SEC14L1: variants seen among roughly 807,000 people sequenced by gnomAD.
The protein encoded by SEC14L1 is SEC14 like lipid binding 1, also known as SEC14-like protein 1.
SEC14L1 carries 48 observed loss-of-function variants against 85.3 expected under a neutral mutation model. That is an observed-to-expected ratio of 0.56 (90% CI 0.45 to 0.72). SEC14L1 has a LOEUF of 0.72. Among genes scored for constraint, SEC14L1 ranks in the 30% least tolerant of loss-of-function variants. The pLI, the probability that SEC14L1 is intolerant of heterozygous loss-of-function variation, is 0.00. For missense variants in SEC14L1, 682 were observed against 921.4 expected (o/e 0.74, Z 3.36); for synonymous variants, 391 against 355.5 (o/e 1.10, Z -1.12).
intron 3 of SEC14L1, among the ~76,000 whole-genome samples, chr17:77,130,884 A>T (rs1208782271): frequency 6.6e-6 from 1 of 151,998 alleles, no homozygotes; most frequent in African/African-American, 2.4e-5. Context: ...GGGTTTACAG[A>T]CTGCCTAGCC....
chr17:77,136,171 G>C (rs755746231), upstream of SEC14L1, among the ~76,000 whole-genome samples: 1 of 151,476 alleles, frequency 6.6e-6, no homozygotes. Flanking sequence ...CACTGCGCCT[G>C]GCCCCTTCTC....
intron 3 of SEC14L1, among the ~76,000 whole-genome samples, chr17:77,157,395 C>T (rs796977092): frequency 3.9e-5 from 6 of 152,308 alleles, no homozygotes; most frequent in African/African-American, 1.2e-4. Flanking sequence ...AGGTGAGTCC[C>T]GCAGTCTGTG....
intron 3 of SEC14L1, chr17:77,152,509 C>T (rs1360847670): frequency 1.3e-5 from 2 of 149,932 alleles, no homozygotes; most frequent in African/African-American, 5.0e-5. Context: ...GCACTCCAGC[C>T]TGGGTGACAG....
intron 2 of SEC14L1, among the ~76,000 whole-genome samples, chr17:77,092,329 T>TA (rs925585070): frequency 1.3e-5 from 2 of 152,120 alleles, no homozygotes; most frequent in Admixed American, 6.6e-5. Flanking sequence ...GCTTAGAATC[T>TA]AGCGATGTCA....
intron 5 of SEC14L1, among the ~76,000 whole-genome samples, 154 bp downstream of exon 5, chr17:77,191,466 G>C (rs1164360355): frequency 6.6e-6 from 1 of 152,182 alleles, no homozygotes; most frequent in African/African-American, 2.4e-5. Context: ...AGGAAGGGTA[G>C]CAGGTGTGGT....
chr17:77,192,545 C>T (rs368178559), intron 5 of SEC14L1, among the ~76,000 whole-genome samples: 17 of 152,254 alleles, frequency 1.1e-4, no homozygotes, highest in African/African-American at 2.9e-4. Flanking sequence ...CTCGCTGTGC[C>T]GTGCTATTCT....
chr17:77,118,638 G>A (rs1567876310), intron 3 of SEC14L1, among the ~76,000 whole-genome samples: 1 of 152,170 alleles, frequency 6.6e-6, no homozygotes, highest in African/African-American at 2.4e-5. Flanking sequence ...GGAAAGCCTC[G>A]GCCCCAACCA....
chr17:77,165,966 T>TC (rs1974261468), intron 3 of SEC14L1, among the ~76,000 whole-genome samples: 1 of 152,188 alleles, frequency 6.6e-6, no homozygotes, highest in Non-Finnish European at 1.5e-5. Flanking sequence ...ATTCAGAAGG[T>TC]CCCCCTCCTC....
At chr17:77,177,012 AT>A (rs2143716654) in intron 3 of SEC14L1, among the ~76,000 whole-genome samples, 1 of 152,304 alleles carries the variant, frequency 6.6e-6, no homozygotes, top group Admixed American at 6.5e-5. Flanking sequence ...AAGCAAAGAC[AT>A]TTTTTCTTCA....
chr17:77,197,640 TAC>T (rs1409903001), intron 8 of SEC14L1, among the ~76,000 whole-genome samples: 1 of 152,058 alleles, frequency 6.6e-6, no homozygotes, highest in African/African-American at 2.4e-5. Context: ...TATATATGTA[TAC>T]AGAGTCTTGC....
At chr17:77,116,400 C>A (rs1178081194) in intron 3 of SEC14L1, among the ~76,000 whole-genome samples, 1 of 152,022 alleles carries the variant, frequency 6.6e-6, no homozygotes, top group African/African-American at 2.4e-5. Flanking sequence ...GAAATTAATT[C>A]TGACCCTTAA....
intron 14 of SEC14L1, chr17:77,209,713 A>G (rs1976652711): frequency 2.5e-6 from 1 of 399,582 alleles, no homozygotes; most frequent in Non-Finnish European, 4.5e-6. Context: ...AGGAAATTGG[A>G]TCTCTTGACC....
intron 3 of SEC14L1, among the ~76,000 whole-genome samples, chr17:77,157,135 T>A (rs556583080): frequency 3.9e-5 from 6 of 152,332 alleles, no homozygotes; most frequent in African/African-American, 1.4e-4. Flanking sequence ...TTCTTTTCTT[T>A]TTCCTAGTTT....
At chr17:77,168,409 G>A (rs1974382197) in intron 3 of SEC14L1, among the ~76,000 whole-genome samples, 1 of 152,176 alleles carries the variant, frequency 6.6e-6, no homozygotes, top group African/African-American at 2.4e-5. Flanking sequence ...TTTTGTGAGA[G>A]CTGTTTCTAT....
chr17:77,214,183 A>G lies in SEC14L1; in HGVS notation c.*160A>G, dbSNP rs1297106448. 3 of 1,414,712 alleles carry G rather than the reference A, an allele frequency of 2.1e-6. No individual in the cohort carries two copies. Among genetic ancestry groups the G allele is most frequent in the African/African-American group, 2.9e-5 (2 of 69,238 alleles). 87.6% of individuals were successfully genotyped at this position (1,414,712 alleles called of 1,614,324 possible). A position where few individuals can be genotyped will look rare whatever the true frequency, so the allele number is the denominator to read the frequency against. On this transcript the variant is annotated 3_prime_UTR_variant, in exon 17 of 17. Transcript: ENST00000436233. The stretch of plus-strand genomic sequence containing the variant: ...AACGTAGTCGTTTGATCCCAAAACT[A>G]CCTTGGCAGGTAGTTTTAACTCTGA...
intron 3 of SEC14L1, among the ~76,000 whole-genome samples, chr17:77,183,743 A>AT: frequency 6.6e-6 from 1 of 152,234 alleles, no homozygotes; most frequent in Non-Finnish European, 1.5e-5. Flanking sequence ...TCCAAGAGCT[A>AT]ATGCAGCATT....
chr17:77,163,648 G>A lies in SEC14L1; in HGVS notation c.63+19989G>A, dbSNP rs1598327882. On this transcript the variant is annotated intron_variant, in intron 3 of 16. Transcript: ENST00000436233. ...AGCAGACGCTGTCACCATGTTCTTCGTGTCATGCATTCACATGGATATTCA... is the reference window on the plus strand; with the variant it reads ...AGCAGACGCTGTCACCATGTTCTTCATGTCATGCATTCACATGGATATTCA... 2.0e-5 allele frequency among the ~76,000 whole-genome samples: 3 copies of A among 152,258 alleles called. 1 individual carries two copies. The South Asian group carries it at 6.2e-4, about 32-fold the overall frequency.
chr17:77,108,906 T>G (rs986552804), intron 3 of SEC14L1, among the ~76,000 whole-genome samples: 1 of 150,682 alleles, frequency 6.6e-6, no homozygotes, highest in African/African-American at 2.4e-5. Context: ...CACTGCAACC[T>G]CTGCCTCCCG....
chr17:77,115,038 C>G (rs187391736), intron 3 of SEC14L1, among the ~76,000 whole-genome samples: 3 of 152,276 alleles, frequency 2.0e-5, no homozygotes, highest in Admixed American at 1.3e-4. Flanking sequence ...TGCTGCCTGC[C>G]TCTGACCATG....
Sources: gnomAD v4.1 joint callset for allele counts (sites outside exome capture counted in the v4.1 genomes callset) on GRCh38, gnomAD v4.1.1 for gene constraint, MANE v1.5 for transcripts, NCBI Gene and HGNC (gene_info 2026-07-23, HGNC 2026-07-21) for gene names.